The following XRN1 variants were observed in gnomAD, a reference collection of about 807,000 sequenced individuals.
XRN1 encodes the protein strand-exchange protein 1 homolog.
XRN1 carries 67 observed loss-of-function variants against 222.3 expected under a neutral mutation model. The observed-to-expected ratio is 0.30, with a 90% confidence interval of 0.25 to 0.37. The LOEUF (loss-of-function observed/expected upper bound fraction) is 0.37. Among genes scored for constraint, XRN1 ranks in the 10% least tolerant of loss-of-function variants. The pLI, the probability that XRN1 is intolerant of heterozygous loss-of-function variation, is 1.00. For synonymous variants in XRN1, 643 were observed against 652.4 expected, an observed-to-expected ratio of 0.99 and a Z score of 0.22; for missense variants, 1,707 against 2,000.2, an observed-to-expected ratio of 0.85 and a Z score of 2.80.
Position 142,408,626 on chromosome 3 carries a change from T to G in XRN1, c.1714-3550A>C, listed in dbSNP as rs1464836198. ...TATCTATTGTCCTGCTGACTGGTAT[T>G]GGGCGGTTTCCAGTTTAGTTATTAT... is the stretch of plus-strand genomic sequence containing the variant. On this transcript the variant is annotated intron_variant, in intron 15 of 40. Coordinates refer to ENST00000392981, the MANE Select transcript of XRN1 (RefSeq NM_001282857.2). Among the ~76,000 whole-genome samples, 3 of 152,226 alleles carry G rather than the reference T, an allele frequency of 2.0e-5. No individual in the cohort carries two copies. The South Asian group carries it at 6.2e-4, about 32-fold the overall frequency.
At chr3:142,393,861 C>G (rs1160961552) in intron 20 of XRN1, among the ~76,000 whole-genome samples, 1 of 150,744 alleles carries the variant, frequency 6.6e-6, no homozygotes, top group Non-Finnish European at 1.5e-5. Flanking sequence ...CAGTCTTGCT[C>G]TGTTGCCCAG....
intron 33 of XRN1, among the ~76,000 whole-genome samples, chr3:142,344,040 G>A (rs530660215): frequency 2.2e-5 from 3 of 139,102 alleles, no homozygotes; most frequent in South Asian, 2.5e-4. Flanking sequence ...AATTAAAAAC[G>A]ACTGAACTCA....
At chr3:142,420,990 G>C (rs376251292) in intron 10 of XRN1, 26 bp downstream of exon 10, 3 of 1,612,410 alleles carry the variant, frequency 1.9e-6, no homozygotes, top group Non-Finnish European at 2.5e-6. Flanking sequence ...TTAAAACAAT[G>C]AAAGGACACC....
Position 142,370,584 on chromosome 3 carries a change from T to A in XRN1, c.3105A>T (p.Lys1035Asn), listed in dbSNP as rs2066958233. 6.3e-7 allele frequency: 1 copy of A among 1,593,244 alleles called. No homozygotes were observed. Among genetic ancestry groups the A allele is most frequent in the South Asian group, 1.2e-5 (1 of 85,732 alleles). ...EKVQEIITWL[K>N]GHPVSTLSRS... ...GAGATAAAGTACTGACAGGATGTCC[T>A]TTTAGCCAAGTAATAATTTCTTGAA... is the stretch of plus-strand genomic sequence containing the variant. The change falls in exon 27 of 41, where the codon AAA (lysine) becomes AAT (asparagine). Residue 1035 changes from lysine to asparagine, a missense_variant. Physicochemically the swap from Lys to Asn is moderately conservative, Grantham distance 94. This residue lies in a region of XRN1 where 1,234 missense variants were observed against 1,518.2 expected (regional missense o/e 0.81). Coordinates refer to ENST00000392981, the MANE Select transcript of XRN1 (RefSeq NM_001282857.2).
intron 36 of XRN1, among the ~76,000 whole-genome samples, chr3:142,331,963 C>G (rs2065710007): frequency 6.6e-6 from 1 of 152,002 alleles, no homozygotes; most frequent in Non-Finnish European, 1.5e-5. Flanking sequence ...TTTAGAGAGA[C>G]AGAGTTTCCG....
intron 37 of XRN1, among the ~76,000 whole-genome samples, chr3:142,327,089 GTCTT>G (rs1319407087): frequency 6.6e-6 from 1 of 152,006 alleles, no homozygotes; most frequent in Non-Finnish European, 1.5e-5. Context: ...TTTTTGTAGT[GTCTT>G]TCTTTGGTTT....
At chr3:142,402,984 C>T (rs953135) in intron 18 of XRN1, among the ~76,000 whole-genome samples, 57,586 of 151,988 alleles carry the variant, frequency 0.38, 10,954 homozygotes, top group Middle Eastern at 0.47. Context: ...CAAGCTTTCC[C>T]GCTTTCTTTG....
At chr3:142,411,432 A>G (rs1213726269) in intron 15 of XRN1, among the ~76,000 whole-genome samples, 2 of 151,868 alleles carry the variant, frequency 1.3e-5, no homozygotes, top group African/African-American at 4.8e-5. Flanking sequence ...TAGGTAATTT[A>G]TTTTAAACCT....
chr3:142,430,521 C>T (rs1331080543), intron 2 of XRN1, among the ~76,000 whole-genome samples: 1 of 152,182 alleles, frequency 6.6e-6, no homozygotes, highest in East Asian at 1.9e-4. Flanking sequence ...AGAGATGGCC[C>T]TTGCCTTCAA....
At position 142,371,110 on chromosome 3, in the gene XRN1, A is replaced by G. The variant is rs2066977147; in HGVS notation, c.3068+129T>C. 13 of 771,042 alleles carry G rather than the reference A, an allele frequency of 1.7e-5. No individual in the cohort carries two copies. In the East Asian group the frequency reaches 2.5e-4, roughly 15 times the overall value. The allele number at this position is 771,042 out of a possible 1,614,324, so 47.8% of individuals were successfully genotyped here. On this transcript the variant is annotated intron_variant, in intron 26 of 40. Coordinates refer to ENST00000392981, the MANE Select transcript of XRN1 (RefSeq NM_001282857.2). The stretch of plus-strand genomic sequence containing the variant: ...ACATTTGAGCCACTGCATTCGGGCA[A>G]GAGAGTAAGAACCTGTCTCAAAAAA...
intron 1 of XRN1, among the ~76,000 whole-genome samples, chr3:142,446,799 C>A (rs1318821826): frequency 1.3e-5 from 2 of 152,182 alleles, no homozygotes; most frequent in Non-Finnish European, 2.9e-5. Flanking sequence ...GATAAGCTAA[C>A]CTTGGAAACT....
chr3:142,406,317 C>T (rs1261191871), intron 15 of XRN1, among the ~76,000 whole-genome samples: 1 of 152,116 alleles, frequency 6.6e-6, no homozygotes, highest in African/African-American at 2.4e-5. Context: ...AAGAATAAAA[C>T]TGGACTTTTA....
chr3:142,428,862 C>A (rs2069381976), intron 2 of XRN1, among the ~76,000 whole-genome samples: 1 of 152,110 alleles, frequency 6.6e-6, no homozygotes, highest in Non-Finnish European at 1.5e-5. Flanking sequence ...AGAAAGCGAT[C>A]CACCAGAAAG....
At chr3:142,434,998 AGAGTT>A (rs1396230700) in intron 1 of XRN1, 4 of 152,212 alleles carry the variant, frequency 2.6e-5, no homozygotes, top group Non-Finnish European at 2.9e-5. Context: ...AATAAATGGT[AGAGTT>A]ATCTAAAAAT....
chr3:142,426,555 TAC>T, intron 3 of XRN1, 187 bp downstream of exon 3: 1 of 556,062 alleles, frequency 1.8e-6, no homozygotes, highest in Non-Finnish European at 3.1e-6. Flanking sequence ...TGAAAATCCC[TAC>T]AGTTTTTGTA....
At chr3:142,410,499 T>TTG (rs1553739442) in intron 15 of XRN1, among the ~76,000 whole-genome samples, 2 of 134,786 alleles carry the variant, frequency 1.5e-5, no homozygotes, top group African/African-American at 2.9e-5. Context: ...TTTTTTTTTT[T>TTG]TTTTTTTTTT....
intron 29 of XRN1, among the ~76,000 whole-genome samples, chr3:142,361,942 T>G (rs550819871): frequency 2.7e-5 from 4 of 150,166 alleles, no homozygotes; most frequent in Non-Finnish European, 5.9e-5. Context: ...AATTTTCTCT[T>G]TGTTTCTTTT....
At position 142,448,007 on chromosome 3, in the gene XRN1, C is replaced by T. The variant is rs1432672506; in HGVS notation, c.-63G>A. The T allele has an allele frequency of 6.4e-7, 1 of 1,551,262 alleles. No individual in the cohort carries two copies. The highest frequency in any genetic ancestry group is 2.3e-5 in the East Asian group (1 of 43,940). On this transcript the variant is annotated 5_prime_UTR_variant, in exon 1 of 41. Transcript: ENST00000392981. The stretch of plus-strand genomic sequence containing the variant: ...GAAACCAAACGCCCCGCCGGGGCTC[C>T]GCCGCAGCCTCCGGTCGTCGCTCCG...
Position 142,329,620 on chromosome 3 carries a change from C to CA in XRN1, c.4223-6dup. 1.3e-6 allele frequency: 2 copies of CA among 1,526,128 alleles called. No individual in the cohort carries two copies. The highest frequency in any genetic ancestry group is 1.7e-6 in the Non-Finnish European group (2 of 1,149,048). 94.5% of individuals were successfully genotyped at this position (1,526,128 alleles called of 1,614,324 possible). On this transcript the variant is annotated splice_region_variant and splice_polypyrimidine_tract_variant and intron_variant, in intron 36 of 40. Coordinates refer to ENST00000392981, the MANE Select transcript of XRN1 (RefSeq NM_001282857.2). ...GAGGCTTGTTCATATAAGATGCTAC[C>CA]AAAAAAGAGAAAAGAGTCTATCTTT...
Sources: allele counts gnomAD v4.1 joint callset (sites outside exome capture counted in the v4.1 genomes callset), GRCh38; gene constraint gnomAD v4.1.1; regional missense constraint gnomAD v4.1.1; transcripts MANE v1.5; gene names NCBI Gene and HGNC (gene_info 2026-07-23, HGNC 2026-07-21).